The following CHSY3 variants were observed in gnomAD, a reference collection of about 807,000 sequenced individuals.
CHSY3 encodes N-acetylgalactosaminyl-proteoglycan 3-beta-glucuronosyltransferase 3.
A neutral mutation model predicts 67.2 loss-of-function variants in CHSY3; 35 were observed. The observed-to-expected ratio is 0.52, with a 90% confidence interval of 0.40 to 0.69. CHSY3 has a LOEUF of 0.69. Ranked by LOEUF, CHSY3 falls within the 30% of genes least tolerant of loss-of-function variation. The pLI, the probability that CHSY3 is intolerant of heterozygous loss-of-function variation, is 0.00. For missense variants in CHSY3, 1,069 were observed against 1,138.5 expected, an observed-to-expected ratio of 0.94 and a Z score of 0.88; for synonymous variants, 474 against 434.7, an observed-to-expected ratio of 1.09 and a Z score of -1.12.
intron 2 of CHSY3, among the ~76,000 whole-genome samples, chr5:130,120,277 C>G (rs1767965158): frequency 6.6e-6 from 1 of 152,032 alleles, no homozygotes; most frequent in African/African-American, 2.4e-5. Context: ...TTCAAACATT[C>G]CTGCCATTTT....
chr5:130,154,858 G>A (rs1769327106), intron 2 of CHSY3, among the ~76,000 whole-genome samples: 1 of 152,134 alleles, frequency 6.6e-6, no homozygotes, highest in East Asian at 1.9e-4. Context: ...GTGTTAGATA[G>A]AGACTGGCAA....
At chr5:130,039,248 AG>A (rs1476256715) in intron 2 of CHSY3, among the ~76,000 whole-genome samples, 1 of 152,068 alleles carries the variant, frequency 6.6e-6, no homozygotes, top group East Asian at 1.9e-4. Context: ...GAGCTTTGGG[AG>A]ACCAAGGCAC....
intron 2 of CHSY3, among the ~76,000 whole-genome samples, chr5:129,917,911 T>G (rs1243258481): frequency 6.6e-6 from 1 of 152,218 alleles, no homozygotes; most frequent in Non-Finnish European, 1.5e-5. Context: ...CTAATTTGGC[T>G]TCAGGGTTTC....
chr5:129,913,647 A>G (rs1372862294), intron 2 of CHSY3, among the ~76,000 whole-genome samples: 4 of 152,114 alleles, frequency 2.6e-5, no homozygotes, highest in Admixed American at 6.6e-5. Flanking sequence ...CCTTTGAAGG[A>G]GTTTTGCATT....
In CHSY3 at chr5:130,159,833, C is replaced by G. The variant is rs141782584; in HGVS notation, c.1087-24396C>G. Among the ~76,000 whole-genome samples the G allele has an allele frequency of 2.1e-3, 313 of 152,244 alleles. 2 individuals are homozygous for G. Among genetic ancestry groups the G allele is most frequent in the African/African-American group, 7.2e-3 (299 of 41,554 alleles). ...CTGTAAATTAGCCAAGAAATGCATC[C>G]AAGGCAATCAGTTACTGACAGTACT... On this transcript the variant is annotated intron_variant, in intron 2 of 2. Transcript: ENST00000305031.
intron 1 of CHSY3, among the ~76,000 whole-genome samples, chr5:129,906,807 T>A (rs943952369): frequency 1.3e-5 from 2 of 152,216 alleles, no homozygotes; most frequent in Admixed American, 1.3e-4. Context: ...TGCTTCCTCC[T>A]GATTCGGATA....
rs370948496 is a variant in CHSY3, at chr5:130,131,955, C to T, written c.1087-52274C>T. On this transcript the variant is annotated intron_variant, in intron 2 of 2. Transcript: ENST00000305031. ...TGCCTCCTTATCTTTAAGGTCTTAC[C>T]TAAACTGTGATTCCCTACTCTCAGT... is the stretch of plus-strand genomic sequence containing the variant. 1.1e-4 allele frequency among the ~76,000 whole-genome samples: 17 copies of T among 151,502 alleles called. 1 individual carries two copies. Among genetic ancestry groups the T allele is most frequent in the Admixed American group, 6.6e-4 (10 of 15,206 alleles).
chr5:129,973,145 C>A (rs1762693012), intron 2 of CHSY3, among the ~76,000 whole-genome samples: 1 of 152,006 alleles, frequency 6.6e-6, no homozygotes, highest in African/African-American at 2.4e-5. Flanking sequence ...ACCTTTGTGT[C>A]ATAGATTCTA....
intron 2 of CHSY3, among the ~76,000 whole-genome samples, chr5:130,102,076 C>T (rs1251537328): frequency 2.0e-5 from 3 of 152,086 alleles, no homozygotes; most frequent in African/African-American, 7.2e-5. Context: ...TGTATTTCTT[C>T]CACCAATTAT....
chr5:130,001,218 A>G (rs1206456533), intron 2 of CHSY3, among the ~76,000 whole-genome samples: 4 of 152,110 alleles, frequency 2.6e-5, no homozygotes, highest in African/African-American at 9.7e-5. Flanking sequence ...AATTTAGGCA[A>G]AGGGCTCCAC....
intron 2 of CHSY3, among the ~76,000 whole-genome samples, chr5:130,070,425 G>T (rs930464360): frequency 6.6e-6 from 1 of 152,068 alleles, no homozygotes; most frequent in Non-Finnish European, 1.5e-5. Context: ...TGATTGAAAG[G>T]CAAAGAGCTT....
At chr5:130,075,361 G>A (rs567358296) in intron 2 of CHSY3, among the ~76,000 whole-genome samples, 2 of 152,046 alleles carry the variant, frequency 1.3e-5, no homozygotes, top group South Asian at 4.2e-4. Context: ...CAAAGAGATG[G>A]GTCTCTAGTC....
Position 130,000,115 on chromosome 5 carries a change from C to T in CHSY3, c.1086+91755C>T, listed in dbSNP as rs1365755508. ...TACCATATTTAAAGAACTCAAACTT[C>T]TTAGATGAATAGACAGTTTTCAAAG... On this transcript the variant is annotated intron_variant, in intron 2 of 2. Coordinates refer to ENST00000305031, the MANE Select transcript of CHSY3 (RefSeq NM_175856.5). Among the ~76,000 whole-genome samples the T allele has an allele frequency of 2.0e-5, 3 of 152,250 alleles. No individual in the cohort carries two copies. In the East Asian group the frequency reaches 5.8e-4, roughly 29 times the overall value.
intron 2 of CHSY3, among the ~76,000 whole-genome samples, chr5:130,052,514 C>T (rs973345107): frequency 1.3e-5 from 2 of 152,060 alleles, no homozygotes; most frequent in South Asian, 2.1e-4. Context: ...GCCAGTTTAC[C>T]ATCAATAACA....
intron 2 of CHSY3, among the ~76,000 whole-genome samples, chr5:130,017,882 G>C (rs1039565085): frequency 2.0e-5 from 3 of 152,014 alleles, no homozygotes; most frequent in African/African-American, 7.2e-5. Context: ...TTTATATCTT[G>C]AGATGAGAAA....
At chr5:129,970,617 G>T (rs1243028722) in intron 2 of CHSY3, among the ~76,000 whole-genome samples, 2 of 151,808 alleles carry the variant, frequency 1.3e-5, no homozygotes, top group African/African-American at 2.4e-5. Flanking sequence ...GAATTTTGTG[G>T]ATTGGGTTGT....
At chr5:130,084,265 T>C (rs968354355) in intron 2 of CHSY3, among the ~76,000 whole-genome samples, 3 of 152,064 alleles carry the variant, frequency 2.0e-5, no homozygotes, top group African/African-American at 7.2e-5. Context: ...AAACGGTGAC[T>C]ATAGCTACTA....
chr5:130,179,123 A>T (rs1770169975), intron 2 of CHSY3, among the ~76,000 whole-genome samples: 1 of 152,178 alleles, frequency 6.6e-6, no homozygotes, highest in Non-Finnish European at 1.5e-5. Context: ...ATAAATAGTA[A>T]ATGTGGAAAT....
chr5:129,922,409 A>C (rs1760955469), intron 2 of CHSY3, among the ~76,000 whole-genome samples: 1 of 152,240 alleles, frequency 6.6e-6, no homozygotes, highest in African/African-American at 2.4e-5. Context: ...GGGAGCCCCC[A>C]TATTGTTTTT....
Sources: allele counts gnomAD v4.1 joint callset (sites outside exome capture counted in the v4.1 genomes callset), GRCh38; gene constraint gnomAD v4.1.1; transcripts MANE v1.5; gene names NCBI Gene and HGNC (gene_info 2026-07-23, HGNC 2026-07-21).